STXBP6: variants seen among roughly 807,000 people sequenced by gnomAD.
STXBP6 encodes syntaxin binding protein 6, also known as syntaxin-binding protein 6.
In STXBP6, 21 loss-of-function variants were observed where a neutral mutation model predicts 26.9. The observed-to-expected ratio is 0.78, with a 90% CI of 0.55 to 1.12. The LOEUF (loss-of-function observed/expected upper bound fraction) is 1.12. STXBP6 is among the 50% of genes most tolerant of loss of function. STXBP6 has a pLI of 0.00. For missense variants in STXBP6, 232 were observed against 257.9 expected (o/e 0.90, Z 0.69); for synonymous variants, 97 against 92.6 (o/e 1.05, Z -0.27).
intron 2 of STXBP6, among the ~76,000 whole-genome samples, chr14:24,913,982 G>T (rs948267085): frequency 6.6e-6 from 1 of 152,150 alleles, no homozygotes; most frequent in Non-Finnish European, 1.5e-5. Context: ...TCATTCTCCA[G>T]CAACTCAGGC....
At chr14:24,861,848 C>A (rs2069549957) in intron 2 of STXBP6, among the ~76,000 whole-genome samples, 1 of 152,166 alleles carries the variant, frequency 6.6e-6, no homozygotes, top group Non-Finnish European at 1.5e-5. Context: ...GCAAACCAGA[C>A]CAACTTGTGA....
At chr14:24,950,144 T>C (rs1454677947) in intron 2 of STXBP6, among the ~76,000 whole-genome samples, 5 of 152,154 alleles carry the variant, frequency 3.3e-5, no homozygotes, top group African/African-American at 1.2e-4. Context: ...ACTACAAATA[T>C]TCATTCAATA....
At chr14:24,968,314 C>T (rs2073800140) in intron 2 of STXBP6, among the ~76,000 whole-genome samples, 1 of 151,800 alleles carries the variant, frequency 6.6e-6, no homozygotes, top group Admixed American at 6.6e-5. Flanking sequence ...CTTACCACTG[C>T]TGAATAAACC....
intron 2 of STXBP6, among the ~76,000 whole-genome samples, chr14:24,918,452 C>CCCCA (rs1491161719): frequency 4.5e-5 from 6 of 133,398 alleles, no homozygotes; most frequent in Non-Finnish European, 9.6e-5. Context: ...CACACCCCCA[C>CCCCA]CACACACACA....
At chr14:24,988,512 T>C (rs1566539943) in intron 1 of STXBP6, among the ~76,000 whole-genome samples, 1 of 152,212 alleles carries the variant, frequency 6.6e-6, no homozygotes, top group Non-Finnish European at 1.5e-5. Context: ...CTATTAAGCC[T>C]ACCCTTGAAA....
At chr14:25,036,393 C>T (rs1283669244) in intron 1 of STXBP6, among the ~76,000 whole-genome samples, 1 of 152,022 alleles carries the variant, frequency 6.6e-6, no homozygotes, top group African/African-American at 2.4e-5. Context: ...TTCTTCCGGA[C>T]CCTTGGGGCA....
intron 2 of STXBP6, among the ~76,000 whole-genome samples, chr14:24,946,271 A>G (rs1464774781): frequency 6.6e-6 from 1 of 152,204 alleles, no homozygotes; most frequent in Non-Finnish European, 1.5e-5. Context: ...TAAATATAAC[A>G]GTACTAGAAA....
intron 2 of STXBP6, among the ~76,000 whole-genome samples, chr14:24,885,460 G>A (rs546476103): frequency 6.6e-6 from 1 of 152,322 alleles, no homozygotes; most frequent in Non-Finnish European, 1.5e-5. Flanking sequence ...AGGACTCTAA[G>A]AGTACCTAGG....
Position 25,023,649 on chromosome 14 carries a change from GA to G in STXBP6, c.-33+26228del, listed in dbSNP as rs1014895465. Among the ~76,000 whole-genome samples the G allele has an allele frequency of 1.5e-4, 22 of 151,096 alleles. 1 individual carries two copies. Among genetic ancestry groups the G allele is most frequent in the African/African-American group, 5.1e-4 (21 of 41,190 alleles). The stretch of plus-strand genomic sequence containing the variant: ...CATAGCAAGACCCCGTTTCTTAAAA[GA>G]AAAAAAAATTATAAATAAGCCAGGT... On this transcript the variant is annotated intron_variant, in intron 1 of 5. Transcript: ENST00000323944.
chr14:24,819,309 C>A (rs769827682), intron 4 of STXBP6, 115 bp from the exon 5 acceptor site: 5 of 1,198,932 alleles, frequency 4.2e-6, no homozygotes, highest in Non-Finnish European at 6.1e-6. Context: ...AGAAAGGCCG[C>A]TCGTCTAGTG....
At chr14:24,959,896 T>TAAAC (rs2073472357) in intron 2 of STXBP6, among the ~76,000 whole-genome samples, 1 of 152,212 alleles carries the variant, frequency 6.6e-6, no homozygotes, top group Admixed American at 6.5e-5. Flanking sequence ...GCTTTAGAAC[T>TAAAC]AAACAAACCA....
intron 1 of STXBP6, among the ~76,000 whole-genome samples, chr14:25,006,686 A>G (rs539877956): frequency 6.6e-6 from 1 of 152,182 alleles, no homozygotes; most frequent in Non-Finnish European, 1.5e-5. Context: ...GCTGGCAAAC[A>G]CTAGTACAGC....
At chr14:25,035,429 G>A (rs1225065826) in intron 1 of STXBP6, among the ~76,000 whole-genome samples, 3 of 152,130 alleles carry the variant, frequency 2.0e-5, no homozygotes, top group South Asian at 2.1e-4. Context: ...CCATTTATAC[G>A]TTTCTTTCTT....
intron 5 of STXBP6, chr14:24,815,685 T>A (rs2067952715): frequency 6.6e-6 from 1 of 152,094 alleles, no homozygotes; most frequent in Non-Finnish European, 1.5e-5. Context: ...TCTGAGGATG[T>A]CTGAGTGTGG....
At chr14:24,827,069 T>C (rs1356616814) in intron 4 of STXBP6, among the ~76,000 whole-genome samples, 1 of 152,048 alleles carries the variant, frequency 6.6e-6, no homozygotes, top group Non-Finnish European at 1.5e-5. Flanking sequence ...GGCTTGGCAG[T>C]GCATGCCTAT....
chr14:24,864,563 AC>A (rs1277050040), intron 2 of STXBP6, among the ~76,000 whole-genome samples: 2 of 152,138 alleles, frequency 1.3e-5, no homozygotes, highest in Non-Finnish European at 2.9e-5. Context: ...GTCTAAAAGA[AC>A]CATGGAAGGA....
intron 1 of STXBP6, among the ~76,000 whole-genome samples, chr14:24,987,323 C>T (rs1336700266): frequency 6.6e-6 from 1 of 152,226 alleles, no homozygotes; most frequent in African/African-American, 2.4e-5. Context: ...TTTGCCTTTA[C>T]TCAATGAATA....
chr14:24,968,419 A>T (rs1951378676), intron 2 of STXBP6, among the ~76,000 whole-genome samples: 1 of 152,062 alleles, frequency 6.6e-6, no homozygotes, highest in African/African-American at 2.4e-5. Context: ...ATTAGAAAGT[A>T]GACAATTTCT....
intron 2 of STXBP6, among the ~76,000 whole-genome samples, chr14:24,926,930 C>T (rs1301122056): frequency 1.4e-5 from 2 of 143,894 alleles, no homozygotes; most frequent in Non-Finnish European, 3.0e-5. Flanking sequence ...TCAGCTCCTG[C>T]TGCTATTTAA....
Sources: allele counts gnomAD v4.1 joint callset (sites outside exome capture counted in the v4.1 genomes callset), GRCh38; gene constraint gnomAD v4.1.1; transcripts MANE v1.5; gene names NCBI Gene and HGNC (gene_info 2026-07-23, HGNC 2026-07-21).